Variants in PTDSS1 observed in about 807,000 individuals in gnomAD.
PTDSS1 encodes phosphatidylserine synthase 1.
Under a neutral mutation model 70.5 loss-of-function variants are expected in PTDSS1, and 45 were observed. The ratio of observed to expected loss-of-function variants is 0.64; its 90% CI spans 0.50 to 0.82. PTDSS1 has a LOEUF of 0.82. Among genes scored for constraint, PTDSS1 ranks in the 40% least tolerant of loss-of-function variants. The pLI is 0.00. For missense variants in PTDSS1, 417 were observed against 586.1 expected (o/e 0.71, Z 2.98); for synonymous variants, 188 against 203.8 (o/e 0.92, Z 0.66).
intron 3 of PTDSS1, among the ~76,000 whole-genome samples, chr8:96,286,699 G>A (rs564481833): frequency 2.6e-5 from 4 of 152,056 alleles, no homozygotes; most frequent in East Asian, 3.9e-4. Context: ...TTCGGAAACC[G>A]ACCTGCATGC....
chr8:96,282,087 A>G lies in PTDSS1; in HGVS notation c.272-2022A>G, dbSNP rs534167467. On this transcript the variant is annotated intron_variant, in intron 2 of 12. Coordinates refer to ENST00000517309, the MANE Select transcript of PTDSS1 (RefSeq NM_014754.3). ...TCATACAGTTTTAGAGGTGAACCTTATAAGAGGAAACTATACAGAAAACTG... is the reference window on the plus strand; with the variant it reads ...TCATACAGTTTTAGAGGTGAACCTTGTAAGAGGAAACTATACAGAAAACTG... Among the ~76,000 whole-genome samples the G allele has an allele frequency of 3.3e-5, 5 of 152,354 alleles. No homozygotes were observed. The East Asian group carries it at 9.6e-4, about 29-fold the overall frequency.
intron 4 of PTDSS1, among the ~76,000 whole-genome samples, chr8:96,289,343 C>G (rs944879474): frequency 3.3e-5 from 5 of 152,134 alleles, no homozygotes; most frequent in African/African-American, 9.7e-5. Flanking sequence ...AGCCCCAACC[C>G]AGGAACTTAC....
chr8:96,284,278 A>T (rs1340395086), intron 3 of PTDSS1, 125 bp downstream of exon 3: 79 of 816,792 alleles, frequency 9.7e-5, no homozygotes, highest in Non-Finnish European at 1.4e-4. Context: ...TTGCTTTTTG[A>T]TGTTCCTAAT....
In PTDSS1 at chr8:96,335,717, T is replaced by C. The variant is rs1340708473; in HGVS notation, c.*2151T>C. The C allele has an allele frequency of 6.6e-6, 1 of 152,240 alleles. No homozygotes were observed. The highest frequency in any genetic ancestry group is 1.9e-4 in the East Asian group (1 of 5,206). 9.4% of individuals were successfully genotyped at this position (152,240 alleles called of 1,614,324 possible). A position where few individuals can be genotyped will look rare whatever the true frequency, so the allele number is the denominator to read the frequency against. On this transcript the variant is annotated 3_prime_UTR_variant, in exon 13 of 13. Coordinates refer to ENST00000517309, the MANE Select transcript of PTDSS1 (RefSeq NM_014754.3). ...AGTCAGAGCTCTTTACTATAGTAGT[T>C]ACAAAACCAGTGCTTTCCATGGCTG...
At chr8:96,292,840 T>C (rs1810926249) in intron 4 of PTDSS1, among the ~76,000 whole-genome samples, 1 of 152,236 alleles carries the variant, frequency 6.6e-6, no homozygotes, top group South Asian at 2.1e-4. Context: ...AAGCAGGGCC[T>C]GACCCACAAA....
intron 4 of PTDSS1, among the ~76,000 whole-genome samples, chr8:96,289,592 GT>G (rs1810873097): frequency 2.0e-5 from 3 of 152,144 alleles, no homozygotes; most frequent in African/African-American, 7.2e-5. Flanking sequence ...ACTATAATGT[GT>G]TCTTTTCCAA....
At chr8:96,310,240 C>G (rs1405865544) in intron 9 of PTDSS1, among the ~76,000 whole-genome samples, 4 of 150,260 alleles carry the variant, frequency 2.7e-5, no homozygotes, top group Non-Finnish European at 5.9e-5. Flanking sequence ...TCTCGGCTCA[C>G]TGCAACCTCT....
At chr8:96,323,917 A>G (rs754208188) in intron 10 of PTDSS1, among the ~76,000 whole-genome samples, 3 of 151,998 alleles carry the variant, frequency 2.0e-5, no homozygotes, top group Admixed American at 6.6e-5. Flanking sequence ...TCTTTAAGTC[A>G]TTTCCTTCCT....
intron 7 of PTDSS1, among the ~76,000 whole-genome samples, 189 bp downstream of exon 7, chr8:96,304,370 T>G (rs926031409): frequency 3.9e-5 from 6 of 152,240 alleles, no homozygotes; most frequent in African/African-American, 1.4e-4. Context: ...TTGCCTCATT[T>G]TGAAGACAGT....
chr8:96,262,428 C>T lies in PTDSS1; in HGVS notation c.179+209C>T, dbSNP rs188686150. ...TAGCCTGCTCCCCTACCCCTCAGTGCCCCTTCTCCATACAGCGCCTCCGGT... is the reference window on the plus strand; with the variant it reads ...TAGCCTGCTCCCCTACCCCTCAGTGTCCCTTCTCCATACAGCGCCTCCGGT... On this transcript the variant is annotated intron_variant, in intron 1 of 12. Coordinates refer to ENST00000517309, the MANE Select transcript of PTDSS1 (RefSeq NM_014754.3). This position sits in a 1 kb window ranked among gnomAD's most constrained non-coding sequence, Gnocchi z 4.4. Among the ~76,000 whole-genome samples the T allele has an allele frequency of 2.0e-5, 3 of 152,276 alleles. No homozygotes were observed. The highest frequency in any genetic ancestry group is 2.0e-4 in the Admixed American group (3 of 15,302).
intron 2 of PTDSS1, among the ~76,000 whole-genome samples, chr8:96,281,615 A>G (rs1810737970): frequency 6.6e-6 from 1 of 152,086 alleles, no homozygotes; most frequent in Non-Finnish European, 1.5e-5. Flanking sequence ...CCCCTGTTGC[A>G]TCGGCTCTAA....
chr8:96,278,336 T>C (rs1458136558), intron 2 of PTDSS1, among the ~76,000 whole-genome samples: 1 of 152,186 alleles, frequency 6.6e-6, no homozygotes, highest in East Asian at 1.9e-4. Flanking sequence ...CCTCTGCTGG[T>C]TTAGAATCCA....
chr8:96,263,380 A>T (rs1196413795), intron 1 of PTDSS1, among the ~76,000 whole-genome samples: 1 of 151,798 alleles, frequency 6.6e-6, no homozygotes, highest in African/African-American at 2.4e-5. Flanking sequence ...TAAAAGGCCA[A>T]CTTAGAGTAG....
intron 4 of PTDSS1, among the ~76,000 whole-genome samples, chr8:96,288,275 G>A (rs1442998230): frequency 6.6e-6 from 1 of 152,062 alleles, no homozygotes; most frequent in Non-Finnish European, 1.5e-5. Context: ...TCACTAACCT[G>A]GAAACTCTGA....
chr8:96,286,970 T>C, intron 3 of PTDSS1, 52 bp from the exon 4 acceptor site: 1 of 1,606,320 alleles, frequency 6.2e-7, no homozygotes, highest in Non-Finnish European at 8.5e-7. Flanking sequence ...GTATTGTGTG[T>C]GTCTGACTAT....
At chr8:96,330,956 G>T (rs1047000519) in intron 11 of PTDSS1, 70 bp from the exon 12 acceptor site, 6 of 1,355,642 alleles carry the variant, frequency 4.4e-6, no homozygotes, top group Non-Finnish European at 6.3e-6. Context: ...CAGCATGCTC[G>T]CCTTTTTGCC....
rs71267241 is a variant in PTDSS1, at chr8:96,318,902, CTTTTTTTTTTT to C, written c.1074-1328_1074-1318del. On this transcript the variant is annotated intron_variant, in intron 9 of 12. Transcript: ENST00000517309. ...AAGGGCCTTCTTGGCCCCTTCTTGC[CTTTTTTTTTTT>C]TTTTTTTTTTTTTTTGAGGCAGAGC... is the stretch of plus-strand genomic sequence containing the variant. 7.2e-3 allele frequency among the ~76,000 whole-genome samples: 333 copies of C among 46,206 alleles called. 5 individuals are homozygous for C. The Middle Eastern group carries it at 0.088, about 12-fold the overall frequency. 30.3% of individuals were successfully genotyped at this position (46,206 alleles called of 152,430 possible).
chr8:96,279,597 T>A (rs992555856), intron 2 of PTDSS1, among the ~76,000 whole-genome samples: 12 of 151,788 alleles, frequency 7.9e-5, no homozygotes, highest in Admixed American at 4.6e-4. Flanking sequence ...GGTGGGTGGA[T>A]CACTTGAGGT....
At chr8:96,296,578 A>G (rs1042494087) in intron 5 of PTDSS1, among the ~76,000 whole-genome samples, 3 of 152,200 alleles carry the variant, frequency 2.0e-5, no homozygotes, top group East Asian at 1.9e-4. Flanking sequence ...AATAAGCTCA[A>G]ATTCTGAGAT....
Sources: allele counts gnomAD v4.1 joint callset (sites outside exome capture counted in the v4.1 genomes callset), GRCh38; gene constraint gnomAD v4.1.1; non-coding constraint Gnocchi (gnomAD v3.1); transcripts MANE v1.5; gene names NCBI Gene and HGNC (gene_info 2026-07-23, HGNC 2026-07-21).